PDSS2: variants seen among roughly 807,000 people sequenced by gnomAD.
PDSS2 encodes the protein decaprenyl diphosphate synthase subunit 2, also known as all trans-polyprenyl-diphosphate synthase PDSS2.
Under a neutral mutation model 44.5 loss-of-function variants are expected in PDSS2, and 31 were observed. The observed-to-expected ratio is 0.70, with a 90% CI of 0.52 to 0.94. The LOEUF is 0.94. PDSS2 is among the 40% of genes least tolerant of loss of function. The probability of loss-of-function intolerance (pLI) is 0.00; values close to 1 mark genes in which losing one functional copy is unlikely to be tolerated. For synonymous variants in PDSS2, 157 were observed against 180.3 expected, an observed-to-expected ratio of 0.87 and a Z score of 1.03; for missense variants, 452 against 482.2, an observed-to-expected ratio of 0.94 and a Z score of 0.59.
intron 7 of PDSS2, among the ~76,000 whole-genome samples, chr6:107,158,603 G>C (rs1770999295): frequency 6.6e-6 from 1 of 152,184 alleles, no homozygotes; most frequent in Admixed American, 6.5e-5. Context: ...TTCTAGCCTA[G>C]GTTTCCTTGG....
At chr6:107,372,048 T>C (rs1156287877) in intron 1 of PDSS2, among the ~76,000 whole-genome samples, 1 of 152,172 alleles carries the variant, frequency 6.6e-6, no homozygotes, top group Non-Finnish European at 1.5e-5. Flanking sequence ...AGTGTAACCA[T>C]TTTACACAAT....
chr6:107,408,247 C>T (rs1317843950), intron 1 of PDSS2, among the ~76,000 whole-genome samples: 11 of 151,906 alleles, frequency 7.2e-5, no homozygotes. Flanking sequence ...CTAGGCTGGT[C>T]TTGAACGCCT....
intron 4 of PDSS2, among the ~76,000 whole-genome samples, chr6:107,232,873 T>A (rs1311560352): frequency 2.0e-5 from 3 of 151,936 alleles, no homozygotes; most frequent in African/African-American, 7.2e-5. Flanking sequence ...AGGGTCTTGC[T>A]CTGTCACCCA....
chr6:107,427,351 G>A (rs918696395), intron 1 of PDSS2, among the ~76,000 whole-genome samples: 1 of 152,150 alleles, frequency 6.6e-6, no homozygotes, highest in Non-Finnish European at 1.5e-5. Flanking sequence ...ATGTGGAACT[G>A]TAAGTCCATT....
chr6:107,417,800 C>T (rs1780710510), intron 1 of PDSS2, among the ~76,000 whole-genome samples: 1 of 151,566 alleles, frequency 6.6e-6, no homozygotes, highest in African/African-American at 2.4e-5. Flanking sequence ...CACACACACA[C>T]ACACACACAC....
intron 2 of PDSS2, among the ~76,000 whole-genome samples, chr6:107,326,927 T>C (rs1777566785): frequency 6.6e-6 from 1 of 152,198 alleles, no homozygotes; most frequent in African/African-American, 2.4e-5. Flanking sequence ...TTATGTATCC[T>C]GGCAAATAGA....
In PDSS2 at chr6:107,224,607, A is replaced by AGAGAGAGAG. The variant is rs1773723721; in HGVS notation, c.703-12326_703-12325insCTCTCTCTC. Among the ~76,000 whole-genome samples the AGAGAGAGAG allele has an allele frequency of 1.3e-5, 2 of 151,404 alleles. 1 individual carries two copies. Among genetic ancestry groups the AGAGAGAGAG allele is most frequent in the African/African-American group, 4.9e-5 (2 of 40,682 alleles). Reference sequence around the variant, plus strand: ...CATATACAGTTAGAGTAAAATATATATAGAGAGAGTAAAATATACATCTTC... The same window carrying AGAGAGAGAG: ...CATATACAGTTAGAGTAAAATATATAGAGAGAGAGTAGAGAGAGTAAAATATACATCTTC... On this transcript the variant is annotated intron_variant, in intron 4 of 7. Transcript: ENST00000369037.
chr6:107,318,779 G>A (rs1235667425), intron 2 of PDSS2, among the ~76,000 whole-genome samples: 1 of 152,082 alleles, frequency 6.6e-6, no homozygotes, highest in Admixed American at 6.6e-5. Flanking sequence ...CTGAGCTCAG[G>A]AGTTCAAAAC....
intron 2 of PDSS2, among the ~76,000 whole-genome samples, chr6:107,290,646 G>T (rs1776313345): frequency 6.6e-6 from 1 of 151,780 alleles, no homozygotes; most frequent in African/African-American, 2.4e-5. Flanking sequence ...CAGGGCCTTT[G>T]CCCTTTCCTC....
chr6:107,188,621 T>C (rs6924582), intron 7 of PDSS2, among the ~76,000 whole-genome samples: 45,212 of 151,796 alleles, frequency 0.3, 8,168 homozygotes, highest in East Asian at 0.6. Context: ...TGGCCTCCAT[T>C]GTTGGAGGTG....
intron 1 of PDSS2, among the ~76,000 whole-genome samples, chr6:107,457,297 A>G (rs1782075822): frequency 6.6e-6 from 1 of 152,222 alleles, no homozygotes; most frequent in Non-Finnish European, 1.5e-5. Flanking sequence ...ATATTACACC[A>G]TCGTTTCAAA....
chr6:107,368,290 T>C (rs1779024801), intron 1 of PDSS2, among the ~76,000 whole-genome samples: 1 of 151,462 alleles, frequency 6.6e-6, no homozygotes, highest in Non-Finnish European at 1.5e-5. Flanking sequence ...AAAACTATTG[T>C]ATTTCTATAT....
chr6:107,165,630 A>G (rs1411317825), intron 7 of PDSS2, among the ~76,000 whole-genome samples: 3 of 151,976 alleles, frequency 2.0e-5, no homozygotes, highest in African/African-American at 4.8e-5. Context: ...TTGGCTTAGG[A>G]TTGTCTTGGC....
intron 1 of PDSS2, among the ~76,000 whole-genome samples, chr6:107,426,298 C>A (rs319103): frequency 6.6e-6 from 1 of 152,074 alleles, no homozygotes; most frequent in African/African-American, 2.4e-5. Context: ...AGCTTCCACA[C>A]GGTGTTGAGC....
At chr6:107,430,714 T>C (rs376270428) in intron 1 of PDSS2, among the ~76,000 whole-genome samples, 8 of 150,024 alleles carry the variant, frequency 5.3e-5, no homozygotes, top group African/African-American at 2.0e-4. Flanking sequence ...GAGGCTGAGG[T>C]TGGAGAATTG....
At chr6:107,440,381 T>C (rs1292993599) in intron 1 of PDSS2, among the ~76,000 whole-genome samples, 6 of 152,192 alleles carry the variant, frequency 3.9e-5, no homozygotes, top group African/African-American at 7.2e-5. Context: ...GCTTCTTTGA[T>C]CTTAACATGT....
At chr6:107,421,965 CTGGA>C (rs1780838879) in intron 1 of PDSS2, among the ~76,000 whole-genome samples, 1 of 151,274 alleles carries the variant, frequency 6.6e-6, no homozygotes, top group African/African-American at 2.4e-5. Context: ...ACGGGGAAAG[CTGGA>C]TGATGGCTAA....
chr6:107,377,333 A>G (rs1476826114), intron 1 of PDSS2, among the ~76,000 whole-genome samples: 13 of 152,172 alleles, frequency 8.5e-5, no homozygotes, highest in East Asian at 3.9e-4. Context: ...AAACCACAAT[A>G]ACATACCATC....
chr6:107,229,519 T>C (rs1773963823), intron 4 of PDSS2, among the ~76,000 whole-genome samples: 1 of 152,174 alleles, frequency 6.6e-6, no homozygotes, highest in Non-Finnish European at 1.5e-5. Context: ...AATAAAACTT[T>C]CAATATAAAC....
Sources: allele counts gnomAD v4.1 joint callset (sites outside exome capture counted in the v4.1 genomes callset), GRCh38; gene constraint gnomAD v4.1.1; transcripts MANE v1.5; gene names NCBI Gene and HGNC (gene_info 2026-07-23, HGNC 2026-07-21).